RRP12: variants seen among roughly 807,000 people sequenced by gnomAD.
RRP12 encodes ribosomal RNA processing 12 homolog.
RRP12 carries 78 observed loss-of-function variants against 157.3 expected under a neutral mutation model. The observed-to-expected ratio is 0.50, with a 90% CI of 0.41 to 0.60. The LOEUF is 0.60. Among genes scored for constraint, RRP12 ranks in the 20% least tolerant of loss-of-function variants. The probability of loss-of-function intolerance (pLI) is 0.00; values close to 1 mark genes in which losing one functional copy is unlikely to be tolerated. For missense variants in RRP12, 1,521 were observed against 1,679.9 expected (o/e 0.91, Z 1.65); for synonymous variants, 726 against 670.9 (o/e 1.08, Z -1.27).
intron 31 of RRP12, among the ~76,000 whole-genome samples, chr10:97,359,587 T>C (rs987311144): frequency 2.0e-5 from 3 of 152,236 alleles, no homozygotes; most frequent in Non-Finnish European, 4.4e-5. Context: ...AACGACAAGT[T>C]GTGGATGGAA....
rs1457877686 is a variant in RRP12 at position 97,369,224 on chromosome 10, G to T, written c.2955+201C>A. On this transcript the variant is annotated intron_variant, in intron 25 of 33. Transcript: ENST00000370992. ...GTTGCTTTCCATGTAGGGCTCTGGG[G>T]TGAAGAAAGCCACCTGGGCAGTGTG... Among the ~76,000 whole-genome samples the T allele has an allele frequency of 2.0e-5, 3 of 152,224 alleles. No individual in the cohort carries two copies. In the South Asian group the frequency reaches 6.2e-4, roughly 31 times the overall value.
chr10:97,390,331 C>T (rs1291200554), intron 6 of RRP12, 92 bp downstream of exon 6: 5 of 950,320 alleles, frequency 5.3e-6, no homozygotes, highest in Non-Finnish European at 8.6e-6. Flanking sequence ...GGGCAAGCTC[C>T]CCAGTGCCAC....
intron 33 of RRP12, 33 bp from the exon 34 acceptor site, chr10:97,357,229 G>A (rs993631535): frequency 1.4e-6 from 2 of 1,424,936 alleles, no homozygotes; most frequent in African/African-American, 2.8e-5. Flanking sequence ...GGTCACATCT[G>A]GCTGAGAATA....
chr10:97,360,433 A>G, intron 31 of RRP12, 113 bp downstream of exon 31: 2 of 817,418 alleles, frequency 2.4e-6, no homozygotes, highest in South Asian at 2.9e-5. Context: ...GTGCCAAGTG[A>G]GTGCAACCAG....
At chr10:97,400,650 GA>G (rs1246714918) in intron 1 of RRP12, 116 bp from the exon 2 acceptor site, 1 of 774,872 alleles carries the variant, frequency 1.3e-6, no homozygotes, top group Non-Finnish European at 2.1e-6. Context: ...GCTGAATTCT[GA>G]ACACAGCCAG....
At chr10:97,379,253 G>A (rs1427245944) in intron 15 of RRP12, 40 bp downstream of exon 15, 1 of 1,609,372 alleles carries the variant, frequency 6.2e-7, no homozygotes, top group Admixed American at 1.7e-5. Context: ...CCAGGACTGT[G>A]GGGAGCCTCA....
In RRP12 at chr10:97,387,335, C is replaced by CT. The variant is rs34534343; in HGVS notation, c.1017+916dup. On this transcript the variant is annotated intron_variant, in intron 8 of 33. Transcript: ENST00000370992. Reference sequence around the variant, plus strand: ...TTTTCTTTCCTTTTTTTTCTTTTTCCTTTTTTTTTTTTTTTGACATGGGGT... The same window carrying CT: ...TTTTCTTTCCTTTTTTTTCTTTTTCCTTTTTTTTTTTTTTTTGACATGGGGT... 7.7e-3 allele frequency among the ~76,000 whole-genome samples: 1,055 copies of CT among 137,852 alleles called. 6 individuals carry two copies. Among genetic ancestry groups the CT allele is most frequent in the African/African-American group, 0.019 (705 of 37,722 alleles). 90.4% of individuals were successfully genotyped at this position (137,852 alleles called of 152,430 possible).
chr10:97,357,442 A>T (rs371546748), intron 33 of RRP12, among the ~76,000 whole-genome samples: 1 of 152,008 alleles, frequency 6.6e-6, no homozygotes, highest in Non-Finnish European at 1.5e-5. Flanking sequence ...TTTTCCTCTA[A>T]TGTATGTCCA....
chr10:97,374,491 G>C (rs1466150568), intron 15 of RRP12, among the ~76,000 whole-genome samples: 2 of 151,810 alleles, frequency 1.3e-5, no homozygotes, highest in African/African-American at 4.8e-5. Flanking sequence ...CATAAACAGG[G>C]GCTGGGTGCA....
intron 8 of RRP12, among the ~76,000 whole-genome samples, chr10:97,387,802 C>T (rs1031676231): frequency 1.9e-4 from 29 of 151,662 alleles, no homozygotes; most frequent in Admixed American, 1.5e-3. Flanking sequence ...ATTAGCTGGG[C>T]GTGGTGGTGC....
chr10:97,388,432 G>C, intron 7 of RRP12, 53 bp from the exon 8 acceptor site: 1 of 1,612,986 alleles, frequency 6.2e-7, no homozygotes, highest in Non-Finnish European at 8.5e-7. Flanking sequence ...CGCAGGCCCT[G>C]TCCTGCTCTG....
chr10:97,386,091 CT>C, intron 8 of RRP12, 98 bp from the exon 9 acceptor site: 1 of 715,050 alleles, frequency 1.4e-6, no homozygotes, highest in Non-Finnish European at 2.5e-6. Flanking sequence ...TGAGGGCCCC[CT>C]GAACCTCACA....
rs1379812954 is a variant in RRP12, at chr10:97,393,726, G to A, written c.488C>T (p.Ser163Phe). ...TTMEAVESPE[S>F]LAAVAYLLNL... The stretch of plus-strand genomic sequence containing the variant: ...CAGCAGGTAAGCAACGGCGGCCAGG[G>A]ACTCCGGGGACTCCACTGCTTCCAT... Residue 163 changes from serine to phenylalanine, a missense_variant, in exon 4 of 34, where the codon TCC becomes TTC. Ser to Phe is a radical substitution (Grantham distance 155). Transcript: ENST00000370992. The A allele has an allele frequency of 5.0e-6, 8 of 1,613,942 alleles. No individual in the cohort carries two copies. The highest frequency in any genetic ancestry group is 6.8e-6 in the Non-Finnish European group (8 of 1,180,012).
intron 2 of RRP12, 107 bp from the exon 3 acceptor site, chr10:97,396,408 G>A (rs1844966829): frequency 1.8e-5 from 15 of 838,538 alleles, no homozygotes; most frequent in Non-Finnish European, 2.6e-5. Context: ...AAAGCCCAGA[G>A]ACAGACAAGA....
chr10:97,397,995 ATATATATATACATATATATATATATATG>A (rs1845018397), intron 2 of RRP12, among the ~76,000 whole-genome samples: 1 of 53,054 alleles, frequency 1.9e-5, no homozygotes. Context: ...AAAAATACGT[ATATATATATACATATATATATATATATG>A]TATATATATA....
intron 30 of RRP12, among the ~76,000 whole-genome samples, chr10:97,362,172 G>A (rs901256619): frequency 5.5e-4 from 84 of 151,742 alleles, no homozygotes; most frequent in Non-Finnish European, 8.7e-4. Flanking sequence ...GGTCTCAGTG[G>A]CAGGAGCCAG....
At chr10:97,385,075 C>G in intron 10 of RRP12, 91 bp downstream of exon 10, 1 of 1,005,578 alleles carries the variant, frequency 9.9e-7, no homozygotes, top group Non-Finnish European at 1.5e-6. Flanking sequence ...GCCCTGAGGA[C>G]CCCCCACCTC....
At chr10:97,398,030 T>TACATATATATATATATATATATATAC (rs1845027284) in intron 2 of RRP12, among the ~76,000 whole-genome samples, 2 of 95,702 alleles carry the variant, frequency 2.1e-5, no homozygotes, top group Admixed American at 1.1e-4. Context: ...TATGTATATA[T>TACATATATATATATATATATATATAC]ATATACGTAT....
intron 4 of RRP12, among the ~76,000 whole-genome samples, chr10:97,391,640 G>A (rs752983828): frequency 1.3e-5 from 2 of 151,620 alleles, no homozygotes; most frequent in South Asian, 2.1e-4. Context: ...ACATCATTTC[G>A]GCCGGACGCA....
Sources: allele counts gnomAD v4.1 joint callset (sites outside exome capture counted in the v4.1 genomes callset), GRCh38; gene constraint gnomAD v4.1.1; transcripts MANE v1.5; gene names NCBI Gene and HGNC (gene_info 2026-07-23, HGNC 2026-07-21).